The following PCDHGA4 variants were observed in gnomAD, a reference collection of about 807,000 sequenced individuals.
PCDHGA4 encodes the protein protocadherin gamma-A4.
PCDHGA4 carries 38 observed loss-of-function variants against 54.6 expected under a neutral mutation model. That is an observed-to-expected ratio of 0.70 (90% confidence interval 0.54 to 0.91). PCDHGA4 has a LOEUF of 0.91. Ranked by LOEUF, PCDHGA4 falls within the 40% of genes least tolerant of loss-of-function variation. PCDHGA4 has a pLI of 0.00. For missense variants in PCDHGA4, 1,298 were observed against 1,220.9 expected, an observed-to-expected ratio of 1.06 and a Z score of -0.94; for synonymous variants, 511 against 512.9, an observed-to-expected ratio of 1.00 and a Z score of 0.05.
At chr5:141,373,945 C>A in intron 1 of PCDHGA4, 1 of 765,672 alleles carries the variant, frequency 1.3e-6, no homozygotes, top group Non-Finnish European at 1.9e-6. Flanking sequence ...GAAAGCTGTG[C>A]AGAAATTCTG....
At chr5:141,442,895 A>G (rs1381559903) in intron 1 of PCDHGA4, among the ~76,000 whole-genome samples, 5 of 152,182 alleles carry the variant, frequency 3.3e-5, no homozygotes, top group African/African-American at 1.2e-4. Context: ...CCTGCTTATC[A>G]CTTCTCCTTC....
At chr5:141,364,554 T>G in intron 1 of PCDHGA4, 1 of 1,614,122 alleles carries the variant, frequency 6.2e-7, no homozygotes. Flanking sequence ...ACGCAGCTTT[T>G]TGCCCTGAAC....
chr5:141,479,801 G>A (rs2099507037), intron 1 of PCDHGA4, among the ~76,000 whole-genome samples: 1 of 152,118 alleles, frequency 6.6e-6, no homozygotes, highest in Non-Finnish European at 1.5e-5. Flanking sequence ...AATTCAGGGT[G>A]GTATGCAAGG....
intron 3 of PCDHGA4, chr5:141,507,418 A>T (rs2099860509): frequency 6.6e-6 from 1 of 152,204 alleles, no homozygotes; most frequent in Non-Finnish European, 1.5e-5. Context: ...CTGTGAGGTT[A>T]AGTGGGGCCA....
chr5:141,419,311 C>T (rs745852942), intron 1 of PCDHGA4: 4 of 1,613,876 alleles, frequency 2.5e-6, no homozygotes, highest in East Asian at 4.5e-5. Context: ...TCGGGCTCAA[C>T]GGCCGTGTCT....
chr5:141,467,476 G>C (rs114088806), intron 1 of PCDHGA4, among the ~76,000 whole-genome samples: 1,866 of 152,156 alleles, frequency 0.012, 41 homozygotes, highest in African/African-American at 0.043. Flanking sequence ...CATGGTTTTT[G>C]GTTTCCACAT....
chr5:141,479,941 T>C (rs983830280), intron 1 of PCDHGA4, among the ~76,000 whole-genome samples: 2 of 152,194 alleles, frequency 1.3e-5, no homozygotes, highest in Admixed American at 6.5e-5. Context: ...TGCTATCAAC[T>C]CTTGGATTTG....
At position 141,356,656 on chromosome 5, in the gene PCDHGA4, C is replaced by T. The variant is rs1197287768; in HGVS notation, c.1549C>T (p.Arg517Ter). The T allele has an allele frequency of 1.9e-6, 3 of 1,613,882 alleles. No homozygotes were observed. The highest frequency in any genetic ancestry group is 4.5e-5 in the East Asian group (2 of 44,884). The change falls in exon 1 of 4, where the codon CGA becomes TGA. Residue 517 changes from arginine to a stop codon, truncating the protein, a stop_gained. Transcript: ENST00000571252. LOFTEE classifies it high-confidence loss of function. Reference sequence around the variant, plus strand: ...AGACCCTGACAGTGGTGACAATGCCCGAATCACTTACTCCCTGGCCGAAGA... The same window carrying T: ...AGACCCTGACAGTGGTGACAATGCCTGAATCACTTACTCCCTGGCCGAAGA... ...AQDPDSGDNARITYSLAEDTF... is the reference protein window; with the variant it reads ...AQDPDSGDNA
intron 1 of PCDHGA4, chr5:141,422,847 C>G (rs1271794821): frequency 7.4e-6 from 12 of 1,614,234 alleles, no homozygotes; most frequent in Non-Finnish European, 1.0e-5. Context: ...ACAGCGGGGA[C>G]CCGCCCCTCA....
At chr5:141,374,287 C>G in intron 1 of PCDHGA4, 1 of 1,613,992 alleles carries the variant, frequency 6.2e-7, no homozygotes, top group Non-Finnish European at 8.5e-7. Flanking sequence ...GCATCGTCTC[C>G]AGAGGTAGGA....
At chr5:141,439,523 T>A (rs2098118339) in intron 1 of PCDHGA4, among the ~76,000 whole-genome samples, 1 of 152,202 alleles carries the variant, frequency 6.6e-6, no homozygotes, top group African/African-American at 2.4e-5. Context: ...CAACTAACTC[T>A]ACAGAACGCT....
intron 1 of PCDHGA4, chr5:141,413,382 CAT>C (rs752944261): frequency 2.5e-6 from 4 of 1,613,998 alleles, no homozygotes; most frequent in Non-Finnish European, 3.4e-6. Flanking sequence ...GCGGAGTCCG[CAT>C]AGTCTCCAGA....
Position 141,356,119 on chromosome 5 carries a change from C to A in PCDHGA4, c.1012C>A (p.Leu338Ile). The A allele has an allele frequency of 6.2e-7, 1 of 1,613,794 alleles. No individual in the cohort carries two copies. Among genetic ancestry groups the A allele is most frequent in the Non-Finnish European group, 8.5e-7 (1 of 1,179,858 alleles). ...LSGDITILGG[L>I]DYEDSGFYDI... is the part of the protein sequence containing the mutation. ...TGGGGATATAACAATATTGGGGGGTCTAGATTATGAGGACTCTGGATTCTA... is the reference window on the plus strand; with the variant it reads ...TGGGGATATAACAATATTGGGGGGTATAGATTATGAGGACTCTGGATTCTA... Residue 338 changes from leucine to isoleucine, a missense_variant, in exon 1 of 4, where the codon CTA (leucine) becomes ATA (isoleucine). By Grantham distance (5) the Leu-to-Ile change is conservative. Coordinates refer to ENST00000571252, the MANE Select transcript of PCDHGA4 (RefSeq NM_018917.4).
chr5:141,435,591 T>G (rs1197622032), intron 1 of PCDHGA4, among the ~76,000 whole-genome samples: 1 of 152,206 alleles, frequency 6.6e-6, no homozygotes, highest in Admixed American at 6.5e-5. Flanking sequence ...TGCAGTAATA[T>G]CGCCTGCTTT....
chr5:141,373,227 T>A (rs545943961), intron 1 of PCDHGA4, among the ~76,000 whole-genome samples: 1 of 152,232 alleles, frequency 6.6e-6, no homozygotes. Flanking sequence ...AACCTGTATA[T>A]AATATTTTTA....
Position 141,490,503 on chromosome 5 carries a change from C to A in PCDHGA4, c.2515-4304C>A, listed in dbSNP as rs2099701103. On this transcript the variant is annotated intron_variant, in intron 1 of 3. Coordinates refer to ENST00000571252, the MANE Select transcript of PCDHGA4 (RefSeq NM_018917.4). The surrounding 1 kb of genome is among the most constrained non-coding windows in gnomAD (Gnocchi z 5.4). ...ACCGGGAGGCCACATCCCACTATAT[C>A]ATCGAGCTGCTGGCCAGCGATGCTG... 3.7e-6 allele frequency: 6 copies of A among 1,614,206 alleles called. No individual in the cohort carries two copies. In the African/African-American group the frequency reaches 8.0e-5, roughly 22 times the overall value.
At chr5:141,443,665 AACT>A (rs2154560310) in intron 1 of PCDHGA4, among the ~76,000 whole-genome samples, 1 of 152,358 alleles carries the variant, frequency 6.6e-6, no homozygotes, top group African/African-American at 2.4e-5. Context: ...CATTTTACTG[AACT>A]AGTAGTTTAC....
chr5:141,403,259 C>G, intron 1 of PCDHGA4: 1 of 1,613,866 alleles, frequency 6.2e-7, no homozygotes, highest in South Asian at 1.1e-5. Context: ...CCCGCGGTGT[C>G]TGGTGAACTT....
chr5:141,428,523 T>G, intron 1 of PCDHGA4: 1 of 278,554 alleles, frequency 3.6e-6, no homozygotes, highest in Non-Finnish European at 7.1e-6. Context: ...AAAGAAGATT[T>G]AATTTTCTCA....
Sources: allele counts gnomAD v4.1 joint callset (sites outside exome capture counted in the v4.1 genomes callset), GRCh38; gene constraint gnomAD v4.1.1; non-coding constraint Gnocchi (gnomAD v3.1); transcripts MANE v1.5; gene names NCBI Gene and HGNC (gene_info 2026-07-23, HGNC 2026-07-21).